The following GTF2I variants were observed in gnomAD, a reference collection of about 807,000 sequenced individuals.
GTF2I encodes general transcription factor II-I.
In GTF2I, 12 loss-of-function variants were observed where a neutral mutation model predicts 67.6. The ratio of observed to expected loss-of-function variants is 0.18; its 90% CI spans 0.11 to 0.29. The LOEUF (loss-of-function observed/expected upper bound fraction) is 0.29. GTF2I is among the 10% of genes least tolerant of loss of function. GTF2I has a pLI of 1.00. For missense variants in GTF2I, 271 were observed against 580.1 expected (o/e 0.47, Z 5.47); for synonymous variants, 149 against 197.0 (o/e 0.76, Z 2.04).
intron 1 of GTF2I, among the ~76,000 whole-genome samples, chr7:74,685,324 C>A (rs1023726273): frequency 2.0e-5 from 3 of 152,098 alleles, no homozygotes; most frequent in Admixed American, 2.0e-4. Context: ...GGTGAAACCC[C>A]CTCTCTACTA....
intron 12 of GTF2I, among the ~76,000 whole-genome samples, chr7:74,726,278 G>A (rs1554405658): frequency 6.6e-6 from 1 of 152,196 alleles, no homozygotes; most frequent in Non-Finnish European, 1.5e-5. Flanking sequence ...ATTCATAGGT[G>A]AAATGAGTGT....
At chr7:74,704,048 T>G (rs1229411525) in intron 6 of GTF2I, among the ~76,000 whole-genome samples, 4 of 152,178 alleles carry the variant, frequency 2.6e-5, no homozygotes, top group African/African-American at 9.6e-5. Flanking sequence ...GTGCCTCTTA[T>G]TTCTTCTTCT....
chr7:74,700,471 C>T (rs782239672), intron 5 of GTF2I, 41 bp downstream of exon 5: 34 of 1,606,558 alleles, frequency 2.1e-5, no homozygotes, highest in African/African-American at 1.2e-4. Flanking sequence ...ACAGTTGATT[C>T]GTATAAATTT....
At chr7:74,670,488 G>C (rs949344276) in intron 1 of GTF2I, among the ~76,000 whole-genome samples, 8 of 152,042 alleles carry the variant, frequency 5.3e-5, no homozygotes, top group African/African-American at 1.9e-4. Context: ...TCTGAGGTCA[G>C]GAGTTTGAGA....
rs1584314681 is a variant in GTF2I, at chr7:74,732,495, C to G, written c.1137C>G (p.Ala379=). 6.4e-7 allele frequency: 1 copy of G among 1,562,760 alleles called. No homozygotes were observed. The highest frequency in any genetic ancestry group is 2.3e-5 in the East Asian group (1 of 43,506). The change falls in exon 15 of 35, where the codon GCC becomes GCG. Residue 379 remains alanine (A), a synonymous_variant. Transcript: ENST00000573035. ...TCCTTATAGCTCAAGCCATAAAAGC[C>G]AAAGGTCCGGTGACGATCCCGTACC... is the stretch of plus-strand genomic sequence containing the variant. The part of the protein sequence containing the change: ...FERKYAQAIK[A]KGPVTIPYPL...
At chr7:74,712,358 T>C (rs782034955) in intron 9 of GTF2I, among the ~76,000 whole-genome samples, 30 of 152,322 alleles carry the variant, frequency 2.0e-4, no homozygotes, top group South Asian at 4.1e-4. Context: ...AACTATTTCA[T>C]TGAAGCCTTT....
chr7:74,685,736 C>T (rs1427029604), intron 1 of GTF2I, among the ~76,000 whole-genome samples: 1 of 150,424 alleles, frequency 6.6e-6, no homozygotes, highest in Non-Finnish European at 1.5e-5. Flanking sequence ...CACTGCACTC[C>T]AGCCTCGGCG....
At chr7:74,677,080 C>T (rs1805965167) in intron 1 of GTF2I, among the ~76,000 whole-genome samples, 1 of 151,696 alleles carries the variant, frequency 6.6e-6, no homozygotes, top group Non-Finnish European at 1.5e-5. Context: ...AAAAACAAAA[C>T]AAAAAACCGA....
intron 1 of GTF2I, among the ~76,000 whole-genome samples, chr7:74,658,535 G>T (rs587726562): frequency 2.7e-5 from 4 of 150,100 alleles, no homozygotes; most frequent in Admixed American, 2.6e-4. Context: ...TGCCAGGCCC[G>T]AGCCGTCGTG....
chr7:74,660,800 C>T (rs1554386213), intron 1 of GTF2I, among the ~76,000 whole-genome samples: 1 of 151,738 alleles, frequency 6.6e-6, no homozygotes, highest in Non-Finnish European at 1.5e-5. Context: ...GGCACTTTTA[C>T]TTTCCTCTGC....
chr7:74,673,226 G>A (rs1332282048), intron 1 of GTF2I, among the ~76,000 whole-genome samples: 1 of 152,100 alleles, frequency 6.6e-6, no homozygotes, highest in East Asian at 1.9e-4. Context: ...TGAGATGTGA[G>A]GTAGGCACTA....
intron 1 of GTF2I, among the ~76,000 whole-genome samples, chr7:74,686,605 A>G (rs1244058466): frequency 2.6e-5 from 4 of 152,188 alleles, no homozygotes; most frequent in Non-Finnish European, 5.9e-5. Context: ...AATTATAGAA[A>G]CATATATGCC....
chr7:74,705,983 C>G (rs1554401291), intron 7 of GTF2I, among the ~76,000 whole-genome samples: 1 of 151,966 alleles, frequency 6.6e-6, no homozygotes, highest in African/African-American at 2.4e-5. Flanking sequence ...GACAGAGTCT[C>G]CCTCTGTGGC....
intron 1 of GTF2I, among the ~76,000 whole-genome samples, chr7:74,677,798 T>TAAAAAAAA (rs1806039310): frequency 8.5e-4 from 48 of 56,276 alleles, no homozygotes; most frequent in African/African-American, 9.0e-4. Context: ...AAAAAAAAAG[T>TAAAAAAAA]AAATTTGGGT....
intron 1 of GTF2I, among the ~76,000 whole-genome samples, chr7:74,677,651 A>T (rs1554392780): frequency 6.6e-6 from 1 of 151,654 alleles, no homozygotes; most frequent in Non-Finnish European, 1.5e-5. Context: ...GCGTGGTGAC[A>T]TACACCTGTA....
At chr7:74,717,070 CT>C in intron 11 of GTF2I, 120 bp downstream of exon 11, 1 of 1,382,858 alleles carries the variant, frequency 7.2e-7, no homozygotes, top group Non-Finnish European at 9.6e-7. Context: ...CTTGGTATGC[CT>C]TCCTAGCCAA....
intron 3 of GTF2I, 98 bp downstream of exon 3, chr7:74,691,209 T>TC: frequency 4.8e-6 from 1 of 207,858 alleles, no homozygotes; most frequent in Non-Finnish European, 8.6e-6. Context: ...TCTTTCTTTC[T>TC]TTTTTTTTTT....
chr7:74,705,293 C>A, intron 7 of GTF2I, 75 bp downstream of exon 7: 1 of 879,548 alleles, frequency 1.1e-6, no homozygotes, highest in Non-Finnish European at 1.9e-6. Flanking sequence ...ATTGAGATAT[C>A]AGAATATTAA....
At chr7:74,682,113 C>T (rs1562946333) in intron 1 of GTF2I, among the ~76,000 whole-genome samples, 3 of 152,100 alleles carry the variant, frequency 2.0e-5, no homozygotes, top group Non-Finnish European at 4.4e-5. Context: ...AACCTTTAGA[C>T]TTAATTAATT....
Sources: gnomAD v4.1 joint callset for allele counts (sites outside exome capture counted in the v4.1 genomes callset) on GRCh38, gnomAD v4.1.1 for gene constraint, MANE v1.5 for transcripts, NCBI Gene and HGNC (gene_info 2026-07-23, HGNC 2026-07-21) for gene names.